TTBK2: variants seen among roughly 807,000 people sequenced by gnomAD.
The protein encoded by TTBK2 is tau-tubulin kinase 2.
In TTBK2, 28 loss-of-function variants were observed where a neutral mutation model predicts 110.8. The observed-to-expected ratio is 0.25, with a 90% CI of 0.19 to 0.35. The LOEUF (loss-of-function observed/expected upper bound fraction) is 0.35, where lower values mean the gene tolerates loss of function less well. Ranked by LOEUF, TTBK2 falls within the 10% of genes least tolerant of loss-of-function variation. The pLI is 1.00. For synonymous variants in TTBK2, 532 were observed against 527.3 expected, an observed-to-expected ratio of 1.01 and a Z score of -0.12; for missense variants, 1,369 against 1,500.3, an observed-to-expected ratio of 0.91 and a Z score of 1.45.
intron 1 of TTBK2, among the ~76,000 whole-genome samples, chr15:42,907,320 A>G (rs1226960751): frequency 6.6e-6 from 1 of 152,186 alleles, no homozygotes; most frequent in Non-Finnish European, 1.5e-5. Flanking sequence ...CAGCAATTCC[A>G]CTATTGGGTA....
intron 10 of TTBK2, among the ~76,000 whole-genome samples, chr15:42,784,295 G>A (rs1239026814): frequency 6.7e-6 from 1 of 149,072 alleles, no homozygotes; most frequent in East Asian, 2.0e-4. Flanking sequence ...TTCTTTTTTT[G>A]AGACAGAGTT....
chr15:42,739,151 G>A lies in TTBK2; in HGVS notation c.*6644C>T, dbSNP rs548297407. The A allele has an allele frequency of 6.6e-6, 1 of 152,106 alleles. No individual in the cohort carries two copies. The highest frequency in any genetic ancestry group is 1.5e-5 in the Non-Finnish European group (1 of 68,026). 9.4% of individuals were successfully genotyped at this position (152,106 alleles called of 1,614,324 possible). A position where few individuals can be genotyped will look rare whatever the true frequency, so the allele number is the denominator to read the frequency against. On this transcript the variant is annotated 3_prime_UTR_variant, in exon 15 of 15. Coordinates refer to ENST00000267890, the MANE Select transcript of TTBK2 (RefSeq NM_173500.4). ...TACAAAAGCACTCCATGTTTCTGCC[G>A]ATACTCTGTCCTTGGTTGCCTGAGC...
At position 42,865,082 on chromosome 15, in the gene TTBK2, T is replaced by C. The variant is rs541373890; in HGVS notation, c.217+7529A>G. Among the ~76,000 whole-genome samples, 87 of 152,246 alleles carry C rather than the reference T, an allele frequency of 5.7e-4. 1 individual carries two copies. In the South Asian group the frequency reaches 0.015, roughly 26 times the overall value. On this transcript the variant is annotated intron_variant, in intron 3 of 14. Coordinates refer to ENST00000267890, the MANE Select transcript of TTBK2 (RefSeq NM_173500.4). ...TTATTTGAAAGTGGACTTGGATTAG[T>C]TATAAATCTGTATTGCAAAATCTAG...
At chr15:42,754,069 A>T in intron 13 of TTBK2, among the ~76,000 whole-genome samples, 1 of 148,176 alleles carries the variant, frequency 6.7e-6, no homozygotes. Context: ...ATGTTTCATG[A>T]TTTCTCTAAT....
intron 3 of TTBK2, among the ~76,000 whole-genome samples, chr15:42,863,751 G>A (rs866783946): frequency 1.3e-5 from 2 of 152,108 alleles, no homozygotes; most frequent in Non-Finnish European, 2.9e-5. Context: ...CAATGGAACA[G>A]GTTAGAGAAC....
chr15:42,913,819 C>T (rs992545900), intron 1 of TTBK2, among the ~76,000 whole-genome samples: 1 of 152,156 alleles, frequency 6.6e-6, no homozygotes, highest in African/African-American at 2.4e-5. Flanking sequence ...AAACACTACA[C>T]ATTCCTTGGG....
intron 10 of TTBK2, among the ~76,000 whole-genome samples, chr15:42,789,293 G>A (rs1002756465): frequency 3.7e-5 from 3 of 81,620 alleles, no homozygotes; most frequent in Admixed American, 3.6e-4. Flanking sequence ...ATATATATAC[G>A]TGTGTGTGTG....
chr15:42,866,844 G>C (rs1442976069), intron 3 of TTBK2, among the ~76,000 whole-genome samples: 1 of 152,152 alleles, frequency 6.6e-6, no homozygotes, highest in Non-Finnish European at 1.5e-5. Context: ...ATCATAAGAA[G>C]TTTTAAACTA....
intron 14 of TTBK2, among the ~76,000 whole-genome samples, chr15:42,750,822 A>G (rs1210350184): frequency 6.6e-6 from 1 of 152,246 alleles, no homozygotes; most frequent in Non-Finnish European, 1.5e-5. Flanking sequence ...ATTATAATTA[A>G]ACTGTCAAAA....
intron 7 of TTBK2, among the ~76,000 whole-genome samples, chr15:42,816,236 C>T (rs1052410637): frequency 4.0e-5 from 6 of 148,512 alleles, no homozygotes; most frequent in African/African-American, 1.0e-4. Context: ...TTTGCCTCAG[C>T]CTCCTGAGTA....
chr15:42,843,334 GC>G (rs1893308855), intron 3 of TTBK2, among the ~76,000 whole-genome samples: 1 of 152,140 alleles, frequency 6.6e-6, no homozygotes, highest in South Asian at 2.1e-4. Context: ...CTAATGAAAG[GC>G]CAAAAACGGG....
At chr15:42,887,978 C>G (rs1361203151) in intron 1 of TTBK2, among the ~76,000 whole-genome samples, 2 of 152,152 alleles carry the variant, frequency 1.3e-5, no homozygotes, top group East Asian at 3.9e-4. Flanking sequence ...AACCCCAATC[C>G]CTTCTATGAA....
intron 3 of TTBK2, among the ~76,000 whole-genome samples, chr15:42,867,516 A>G (rs1049003997): frequency 6.6e-5 from 10 of 152,212 alleles, no homozygotes; most frequent in African/African-American, 2.4e-5. Flanking sequence ...CTGATTTTAA[A>G]ATGGGCCAAA....
At chr15:42,917,638 G>A (rs2031152607) in intron 1 of TTBK2, among the ~76,000 whole-genome samples, 1 of 151,182 alleles carries the variant, frequency 6.6e-6, no homozygotes, top group African/African-American at 2.4e-5. Context: ...TGAAGCCTGG[G>A]GAAAAAACTT....
rs138240929 is a variant in TTBK2, at chr15:42,745,339, T to C, written c.*456A>G. 5.1e-6 allele frequency: 1 copy of C among 196,826 alleles called. No individual in the cohort carries two copies. The highest frequency in any genetic ancestry group is 2.4e-5 in the African/African-American group (1 of 42,440). 12.2% of individuals were successfully genotyped at this position (196,826 alleles called of 1,614,324 possible). ...AATACTGGCTCCCTGGCAACAGACT[T>C]CTTATATAATCTAATATCTGATCAA... On this transcript the variant is annotated 3_prime_UTR_variant, in exon 15 of 15. Transcript: ENST00000267890.
At chr15:42,793,852 AT>A (rs1189998193) in intron 10 of TTBK2, among the ~76,000 whole-genome samples, 92 of 151,924 alleles carry the variant, frequency 6.1e-4, no homozygotes, top group Non-Finnish European at 1.0e-3. Context: ...AAAAAAAAAA[AT>A]AAAAGCAATG....
chr15:42,896,806 A>C (rs1272871051), intron 1 of TTBK2, among the ~76,000 whole-genome samples: 1 of 152,150 alleles, frequency 6.6e-6, no homozygotes, highest in Non-Finnish European at 1.5e-5. Flanking sequence ...AAAAAAATAA[A>C]ATAAATAAAT....
chr15:42,893,324 T>C (rs1293195202), intron 1 of TTBK2, among the ~76,000 whole-genome samples: 1 of 151,966 alleles, frequency 6.6e-6, no homozygotes, highest in South Asian at 2.1e-4. Context: ...CAAGACCCTG[T>C]TACTACAAAA....
chr15:42,772,770 G>T (rs1009594814), intron 13 of TTBK2, among the ~76,000 whole-genome samples: 1 of 152,174 alleles, frequency 6.6e-6, no homozygotes, highest in Middle Eastern at 3.4e-3. Flanking sequence ...AATACAGTGG[G>T]ACCCCGTCTT....
Sources: allele counts gnomAD v4.1 joint callset (sites outside exome capture counted in the v4.1 genomes callset), GRCh38; gene constraint gnomAD v4.1.1; transcripts MANE v1.5; gene names NCBI Gene and HGNC (gene_info 2026-07-23, HGNC 2026-07-21).